The following PTGDR variants were observed in gnomAD, a reference collection of about 807,000 sequenced individuals.
PTGDR encodes prostaglandin D2 receptor.
In PTGDR, 19 loss-of-function variants were observed where a neutral mutation model predicts 17.4. The observed-to-expected ratio is 1.09, with a 90% CI of 0.76 to 1.60. PTGDR has a LOEUF of 1.60. PTGDR is among the 40% of genes most tolerant of loss of function. The probability of loss-of-function intolerance (pLI) is 0.00; values close to 1 mark genes in which losing one functional copy is unlikely to be tolerated. For synonymous variants in PTGDR, 267 were observed against 224.2 expected (o/e 1.19, Z -1.71); for missense variants, 526 against 481.9 (o/e 1.09, Z -0.86).
At chr14:52,271,681 A>T (rs368798413) in intron 1 of PTGDR, among the ~76,000 whole-genome samples, 1 of 152,214 alleles carries the variant, frequency 6.6e-6, no homozygotes, top group African/African-American at 2.4e-5. Context: ...GGTCTAGAAA[A>T]CACAAGGATA....
In PTGDR at chr14:52,267,744, T is replaced by A. The variant is rs201914620; in HGVS notation, c.-71T>A. On this transcript the variant is annotated 5_prime_UTR_variant, in exon 1 of 2. Transcript: ENST00000306051. ...AGCCGCGCGCGGAGCTGCCGGGGGC[T>A]CCTTAGCACCCGGGCGCCGGGGCCC... 1.4e-6 allele frequency: 2 copies of A among 1,456,428 alleles called. No individual in the cohort carries two copies. The highest frequency in any genetic ancestry group is 3.0e-5 in the South Asian group (2 of 66,890). 90.2% of individuals were successfully genotyped at this position (1,456,428 alleles called of 1,614,324 possible).
chr14:52,278,792 G>C (rs905303578), downstream of PTGDR, among the ~76,000 whole-genome samples: 2 of 152,060 alleles, frequency 1.3e-5, no homozygotes, highest in Non-Finnish European at 2.9e-5. Flanking sequence ...CATTTAATTG[G>C]GCACTAAGCC....
At chr14:52,268,892 C>T (rs565821433) in intron 1 of PTGDR, among the ~76,000 whole-genome samples, 1 of 152,270 alleles carries the variant, frequency 6.6e-6, no homozygotes, top group East Asian at 1.9e-4. Context: ...AAGGCTGAGC[C>T]CGGCGGTGTC....
Position 52,275,270 on chromosome 14 carries a change from C to T in PTGDR, c.*306C>T, listed in dbSNP as rs2033402915. 2 of 230,546 alleles carry T rather than the reference C, an allele frequency of 8.7e-6. No individual in the cohort carries two copies. The highest frequency in any genetic ancestry group is 1.0e-4 in the Admixed American group (2 of 19,906). The allele number at this position is 230,546 out of a possible 1,614,324, so 14.3% of individuals were successfully genotyped here. A position where few individuals can be genotyped will look rare whatever the true frequency, so the allele number is the denominator to read the frequency against. Reference sequence around the variant, plus strand: ...TTGTCCCTACATTTGTGCTTGGTGGCCCTATTTTTTTTTTTTAGAGAGGCC... The same window carrying T: ...TTGTCCCTACATTTGTGCTTGGTGGTCCTATTTTTTTTTTTTAGAGAGGCC... On this transcript the variant is annotated 3_prime_UTR_variant, in exon 2 of 2. Transcript: ENST00000306051.
At chr14:52,272,532 G>A (rs1228065012) in intron 1 of PTGDR, among the ~76,000 whole-genome samples, 2 of 152,010 alleles carry the variant, frequency 1.3e-5, no homozygotes, top group Non-Finnish European at 2.9e-5. Flanking sequence ...ATTGGTGTGA[G>A]AAGAACGCCC....
At chr14:52,270,894 G>C (rs1460738279) in intron 1 of PTGDR, among the ~76,000 whole-genome samples, 1 of 152,202 alleles carries the variant, frequency 6.6e-6, no homozygotes, top group African/African-American at 2.4e-5. Context: ...AACTCCTAGG[G>C]TATTGTGAGG....
chr14:52,270,417 C>T (rs970453281), intron 1 of PTGDR, among the ~76,000 whole-genome samples: 2 of 152,042 alleles, frequency 1.3e-5, no homozygotes, highest in African/African-American at 4.8e-5. Flanking sequence ...GTGGCATGCA[C>T]TTGTAGTCCC....
chr14:52,273,690 A>G (rs1006241648), intron 1 of PTGDR, among the ~76,000 whole-genome samples: 4 of 152,190 alleles, frequency 2.6e-5, no homozygotes, highest in Non-Finnish European at 1.5e-5. Context: ...TATGGGAAAA[A>G]TGCATCTTCT....
intron 1 of PTGDR, among the ~76,000 whole-genome samples, chr14:52,272,963 C>T (rs1052588275): frequency 2.6e-5 from 4 of 152,164 alleles, no homozygotes; most frequent in African/African-American, 9.7e-5. Context: ...CCACCAACCT[C>T]CAGGACATTG....
intron 1 of PTGDR, chr14:52,269,331 C>A: frequency 1.3e-6 from 1 of 798,250 alleles, no homozygotes; most frequent in South Asian, 1.6e-5. Flanking sequence ...GTTTTGACAA[C>A]CTGACTTGAC....
At chr14:52,270,699 A>G in intron 1 of PTGDR, among the ~76,000 whole-genome samples, 1 of 152,184 alleles carries the variant, frequency 6.6e-6, no homozygotes, top group Non-Finnish European at 1.5e-5. Flanking sequence ...TCCTTTATAC[A>G]ATCTTTAGGA....
At chr14:52,280,150 C>T (rs1050243458), downstream of PTGDR, among the ~76,000 whole-genome samples, 11 of 152,090 alleles carry the variant, frequency 7.2e-5, no homozygotes, top group African/African-American at 1.4e-4. Context: ...TCTAGCGGTG[C>T]GTTGTATAAA....
At chr14:52,274,503 G>C (rs926631407) in intron 1 of PTGDR, among the ~76,000 whole-genome samples, 3 of 152,144 alleles carry the variant, frequency 2.0e-5, no homozygotes, top group Non-Finnish European at 4.4e-5. Flanking sequence ...CTGGGTCTCC[G>C]ACAAGTACTC....
In PTGDR at chr14:52,274,728, C is replaced by T; in HGVS notation, c.847-3C>T. 1 of 1,598,138 alleles carries T rather than the reference C, an allele frequency of 6.3e-7. No individual in the cohort carries two copies. Among genetic ancestry groups the T allele is most frequent in the Non-Finnish European group, 8.6e-7 (1 of 1,165,828 alleles). ...CATAATGGAATGTTTTTCTTCAAAA[C>T]AGTATCGCGCTTACTATGGAGCATT... On this transcript the variant is annotated splice_polypyrimidine_tract_variant and splice_region_variant and intron_variant, in intron 1 of 1. Coordinates refer to ENST00000306051, the MANE Select transcript of PTGDR (RefSeq NM_000953.3).
rs1212788637 is a variant in PTGDR at position 52,268,021 on chromosome 14, G to A, written c.207G>A (p.Thr69=). ...SVFYMLVCGL[T]VTDLLGKCLL... ...TCTACATGCTGGTGTGTGGCCTGAC[G>A]GTCACCGACTTGCTGGGCAAGTGCC... The change falls in exon 1 of 2, where the codon ACG becomes ACA. Residue 69 remains threonine (T), a synonymous_variant. Coordinates refer to ENST00000306051, the MANE Select transcript of PTGDR (RefSeq NM_000953.3). The A allele has an allele frequency of 5.0e-6, 8 of 1,610,798 alleles. No individual in the cohort carries two copies. The highest frequency in any genetic ancestry group is 6.8e-6 in the Non-Finnish European group (8 of 1,180,014).
In PTGDR at chr14:52,276,289, TCCAAGGTGCAAAG is replaced by T. The variant is rs2033423900; in HGVS notation, c.*1328_*1340del. 1.3e-5 allele frequency: 2 copies of T among 152,170 alleles called. No homozygotes were observed. Among genetic ancestry groups the T allele is most frequent in the African/African-American group, 4.8e-5 (2 of 41,440 alleles). 9.4% of individuals were successfully genotyped at this position (152,170 alleles called of 1,614,324 possible). ...CCTTTGTATCTGACAATCTCAGGAC[TCCAAGGTGCAAAG>T]CCTGCTGCATTTGCGTGATCTCAAG... is the stretch of plus-strand genomic sequence containing the variant. On this transcript the variant is annotated 3_prime_UTR_variant, in exon 2 of 2. Coordinates refer to ENST00000306051, the MANE Select transcript of PTGDR (RefSeq NM_000953.3).
rs904241570 is a variant in PTGDR, at chr14:52,274,580, G to A, written c.847-151G>A. ...CCCAGCTCCCCACTTGCACCCATCAGCTGCTGTGGCCTTAGCTACTTGTAA... is the reference window on the plus strand; with the variant it reads ...CCCAGCTCCCCACTTGCACCCATCAACTGCTGTGGCCTTAGCTACTTGTAA... On this transcript the variant is annotated intron_variant, in intron 1 of 1. Transcript: ENST00000306051. The A allele has an allele frequency of 3.3e-5, 22 of 662,956 alleles. No homozygotes were observed. In the African/African-American group the frequency reaches 3.8e-4, roughly 12 times the overall value. 41.1% of individuals were successfully genotyped at this position (662,956 alleles called of 1,614,324 possible).
chr14:52,274,868 T>C lies in PTGDR; in HGVS notation c.984T>C (p.Ser328=), dbSNP rs2033392391. The C allele has an allele frequency of 6.2e-7, 1 of 1,609,238 alleles. No homozygotes were observed. The highest frequency in any genetic ancestry group is 1.3e-5 in the African/African-American group (1 of 74,814). ...VDPWIFIIFR[S]PVFRIFFHKI... is the part of the protein sequence containing the mutation. The stretch of plus-strand genomic sequence containing the variant: ...CTTGGATTTTTATCATTTTCAGATC[T>C]CCAGTATTTCGGATATTTTTTCACA... The change falls in exon 2 of 2, where the codon TCT becomes TCC. Residue 328 remains serine (S), a synonymous_variant. Coordinates refer to ENST00000306051, the MANE Select transcript of PTGDR (RefSeq NM_000953.3).
Position 52,274,860 on chromosome 14 carries a change from T to G in PTGDR, c.976T>G (p.Phe326Val). 1 of 1,609,736 alleles carries G rather than the reference T, an allele frequency of 6.2e-7. No individual in the cohort carries two copies. Among genetic ancestry groups the G allele is most frequent in the Non-Finnish European group, 8.5e-7 (1 of 1,175,974 alleles). The part of the protein sequence containing the change: ...SIVDPWIFII[F>V]RSPVFRIFFH... The stretch of plus-strand genomic sequence containing the variant: ...TGTGGACCCTTGGATTTTTATCATT[T>G]TCAGATCTCCAGTATTTCGGATATT... Residue 326 changes from phenylalanine (F) to valine (V), a missense_variant, in exon 2 of 2, where the codon TTC (phenylalanine) becomes GTC (valine). Transcript: ENST00000306051.
Sources: allele counts gnomAD v4.1 joint callset (sites outside exome capture counted in the v4.1 genomes callset), GRCh38; gene constraint gnomAD v4.1.1; transcripts MANE v1.5; gene names NCBI Gene and HGNC (gene_info 2026-07-23, HGNC 2026-07-21).